Variants in SMOC1 observed in about 807,000 individuals in gnomAD.
SMOC1 encodes SPARC related modular calcium binding 1, also known as SPARC-related modular calcium-binding protein 1.
SMOC1 carries 22 observed loss-of-function variants against 56.3 expected under a neutral mutation model. That is an observed-to-expected ratio of 0.39 (90% CI 0.28 to 0.56). The LOEUF (loss-of-function observed/expected upper bound fraction) is 0.56, where lower values mean the gene tolerates loss of function less well. Among genes scored for constraint, SMOC1 ranks in the 20% least tolerant of loss-of-function variants. SMOC1 has a pLI of 0.61. For missense variants in SMOC1, 509 were observed against 565.4 expected (o/e 0.90, Z 1.01); for synonymous variants, 193 against 215.0 (o/e 0.90, Z 0.89).
intron 1 of SMOC1, among the ~76,000 whole-genome samples, chr14:69,883,939 G>T (rs549088448): frequency 8.9e-6 from 1 of 112,036 alleles, no homozygotes; most frequent in Non-Finnish European, 1.6e-5. Context: ...TCGCTCTGTC[G>T]CCCAGGCCGG....
At chr14:70,020,511 A>G (rs1343909822) in intron 10 of SMOC1, among the ~76,000 whole-genome samples, 3 of 152,040 alleles carry the variant, frequency 2.0e-5, no homozygotes, top group Admixed American at 6.5e-5. Context: ...AGGCAACAGG[A>G]CCCTCGGGCC....
At chr14:69,888,286 A>G (rs1428612042) in intron 1 of SMOC1, among the ~76,000 whole-genome samples, 10 of 152,232 alleles carry the variant, frequency 6.6e-5, no homozygotes, top group African/African-American at 2.2e-4. Context: ...AAAGCAACAT[A>G]GGTGACTATA....
intron 1 of SMOC1, among the ~76,000 whole-genome samples, chr14:69,893,847 A>G (rs1462037341): frequency 1.3e-5 from 2 of 152,192 alleles, no homozygotes; most frequent in African/African-American, 4.8e-5. Flanking sequence ...GAAACAATTA[A>G]GTTAAAATGA....
intron 1 of SMOC1, among the ~76,000 whole-genome samples, chr14:69,950,257 A>G (rs559818164): frequency 6.6e-6 from 1 of 152,276 alleles, no homozygotes; most frequent in East Asian, 1.9e-4. Context: ...TCCAGTCCCA[A>G]GGAGGGACTG....
intron 10 of SMOC1, among the ~76,000 whole-genome samples, chr14:70,016,708 TC>T (rs1885526300): frequency 6.6e-6 from 1 of 152,190 alleles, no homozygotes; most frequent in Admixed American, 6.5e-5. Context: ...ACCATTATGT[TC>T]CAGGTACTGG....
intron 1 of SMOC1, among the ~76,000 whole-genome samples, chr14:69,910,710 G>A (rs956729942): frequency 1.3e-5 from 2 of 152,004 alleles, no homozygotes; most frequent in Non-Finnish European, 2.9e-5. Flanking sequence ...CAGACTGTGT[G>A]TATGCCGAGG....
At chr14:69,923,882 T>G (rs2139374341) in intron 1 of SMOC1, among the ~76,000 whole-genome samples, 2 of 152,320 alleles carry the variant, frequency 1.3e-5, no homozygotes, top group Middle Eastern at 6.8e-3. Flanking sequence ...ATGTCCTGCC[T>G]TGGCCTGAGC....
At chr14:69,979,746 T>G (rs1884106407) in intron 5 of SMOC1, among the ~76,000 whole-genome samples, 1 of 152,192 alleles carries the variant, frequency 6.6e-6, no homozygotes, top group Non-Finnish European at 1.5e-5. Flanking sequence ...ACTACAGGCA[T>G]GCACTGCTTT....
Position 70,011,524 on chromosome 14 carries a change from G to C in SMOC1, c.897G>C (p.Lys299Asn). Residue 299 changes from lysine to asparagine, a missense_variant, in exon 9 of 12, where the codon AAG becomes AAC. Around this residue, in one of 3 missense-constraint regions of SMOC1, gnomAD observed 176 missense variants for 188.1 expected, o/e 0.94. Coordinates refer to ENST00000361956, the MANE Select transcript of SMOC1 (RefSeq NM_001034852.3). ...GTTGTGAGAGCGACGCCAGGGCCAA[G>C]ACTACAGAGGCGGATGACCCCTTCA... ...MPSCESDARAKTTEADDPFKD... is the reference protein window; with the variant it reads ...MPSCESDARANTTEADDPFKD... 2 of 1,590,636 alleles carry C rather than the reference G, an allele frequency of 1.3e-6. No homozygotes were observed. Among genetic ancestry groups the C allele is most frequent in the Non-Finnish European group, 1.7e-6 (2 of 1,166,296 alleles).
At chr14:69,923,777 C>A (rs940073254) in intron 1 of SMOC1, among the ~76,000 whole-genome samples, 1 of 152,130 alleles carries the variant, frequency 6.6e-6, no homozygotes, top group Non-Finnish European at 1.5e-5. Flanking sequence ...CCTATCCTGC[C>A]CTTTCTCCTG....
At chr14:69,983,762 C>A (rs1407817754) in intron 5 of SMOC1, among the ~76,000 whole-genome samples, 1 of 152,220 alleles carries the variant, frequency 6.6e-6, no homozygotes, top group Non-Finnish European at 1.5e-5. Flanking sequence ...GCTCCCTGCT[C>A]CCGGCCTAAG....
chr14:69,881,773 A>G (rs1566659088), intron 1 of SMOC1, among the ~76,000 whole-genome samples: 1 of 152,216 alleles, frequency 6.6e-6, no homozygotes, highest in Non-Finnish European at 1.5e-5. Context: ...TTGTGTTTAT[A>G]GATAACAATA....
chr14:69,973,647 G>T (rs34799557), intron 3 of SMOC1, among the ~76,000 whole-genome samples: 34,265 of 152,144 alleles, frequency 0.23, 5,713 homozygotes, highest in African/African-American at 0.47. Flanking sequence ...GCCTCATTTA[G>T]ACAGCATGCA....
intron 7 of SMOC1, among the ~76,000 whole-genome samples, chr14:70,007,617 G>A (rs781395153): frequency 4.0e-4 from 61 of 152,312 alleles, no homozygotes; most frequent in Non-Finnish European, 7.4e-4. Flanking sequence ...ATGGTTAGAG[G>A]CAACACTGTC....
rs1490365836 is a variant in SMOC1 at position 70,010,888 on chromosome 14, G to C, written c.799G>C (p.Gly267Arg). The C allele has an allele frequency of 6.2e-7, 1 of 1,613,714 alleles. No individual in the cohort carries two copies. Among genetic ancestry groups the C allele is most frequent in the Non-Finnish European group, 8.5e-7 (1 of 1,180,030 alleles). ...YKPVQCHQST[G>R]YCWCVLVDTG... The stretch of plus-strand genomic sequence containing the variant: ...GCCAGTGCAATGCCACCAGTCCACT[G>C]GCTACTGCTGGTGTGTGCTGGTGGA... The change falls in exon 8 of 12, where the codon GGC becomes CGC. Residue 267 changes from glycine (G) to arginine (R), a missense_variant. Coordinates refer to ENST00000361956, the MANE Select transcript of SMOC1 (RefSeq NM_001034852.3).
At chr14:69,914,432 A>C (rs1018870764) in intron 1 of SMOC1, among the ~76,000 whole-genome samples, 1 of 152,228 alleles carries the variant, frequency 6.6e-6, no homozygotes, top group East Asian at 1.9e-4. Flanking sequence ...CCATTTCCCC[A>C]CAGTAGTTTG....
chr14:69,901,706 G>T (rs377739105), intron 1 of SMOC1, among the ~76,000 whole-genome samples: 1 of 152,212 alleles, frequency 6.6e-6, no homozygotes, highest in East Asian at 1.9e-4. Context: ...ATTGCAAAAG[G>T]CTTTGTCCTA....
intron 3 of SMOC1, among the ~76,000 whole-genome samples, chr14:69,958,446 A>G (rs1321207181): frequency 6.6e-6 from 1 of 152,264 alleles, no homozygotes; most frequent in Admixed American, 6.5e-5. Flanking sequence ...AGTGAATCTG[A>G]ATGATGTTAT....
chr14:69,952,317 C>A lies in SMOC1; in HGVS notation c.265+14C>A, dbSNP rs567480586. On this transcript the variant is annotated intron_variant, in intron 2 of 11. Coordinates refer to ENST00000361956, the MANE Select transcript of SMOC1 (RefSeq NM_001034852.3). ...GTAGATGCAAAGGTGAGTGTGTGCA[C>A]CCCTGCCCAGCCAAGGAGAGGTTCC... 1 of 1,613,672 alleles carries A rather than the reference C, an allele frequency of 6.2e-7. No individual in the cohort carries two copies. Among genetic ancestry groups the A allele is most frequent in the South Asian group, 1.1e-5 (1 of 91,070 alleles).
Sources: gnomAD v4.1 joint callset for allele counts (sites outside exome capture counted in the v4.1 genomes callset) on GRCh38, gnomAD v4.1.1 for gene constraint, gnomAD v4.1.1 regional missense constraint, MANE v1.5 for transcripts, NCBI Gene and HGNC (gene_info 2026-07-23, HGNC 2026-07-21) for gene names.